MARF1: variants seen among roughly 807,000 people sequenced by gnomAD.
MARF1 encodes meiosis regulator and mRNA stability factor 1, also known as limkain-b1.
In MARF1, 24 loss-of-function variants were observed where a neutral mutation model predicts 168.2. The observed-to-expected ratio is 0.14, with a 90% CI of 0.10 to 0.20. The LOEUF is 0.20. Ranked by LOEUF, MARF1 falls within the 10% of genes least tolerant of loss-of-function variation. MARF1 has a pLI of 1.00. For synonymous variants in MARF1, 868 were observed against 822.4 expected (o/e 1.06, Z -0.95); for missense variants, 1,744 against 2,143.6 (o/e 0.81, Z 3.68).
Position 15,636,098 on chromosome 16 carries a change from ATCAAGCTACTGGTACC to A in MARF1, c.373_388del (p.Gly125PhefsTer7). The A allele has an allele frequency of 6.2e-7, 1 of 1,614,242 alleles. No homozygotes were observed. Among genetic ancestry groups the A allele is most frequent in the Non-Finnish European group, 8.5e-7 (1 of 1,180,046 alleles). On this transcript the variant is annotated frameshift_variant, in exon 3 of 27. Coordinates refer to ENST00000396368, the MANE Select transcript of MARF1 (RefSeq NM_014647.4). LOFTEE classifies it high-confidence loss of function. Reference sequence around the variant, plus strand: ...CGAGTCTAACAGTGCGCCCGGGTGAATCAAGCTACTGGTACCTCCGCTACCGCCACCACCACCACCA... The same window carrying A: ...CGAGTCTAACAGTGCGCCCGGGTGAATCCGCTACCGCCACCACCACCACCA...
intron 23 of MARF1, 56 bp downstream of exon 23, chr16:15,601,935 A>C: frequency 7.2e-7 from 1 of 1,396,308 alleles, no homozygotes; most frequent in Non-Finnish European, 1.0e-6. Context: ...TGTTCAGGAC[A>C]GTTAGCCTGT....
rs753416153 is a variant in MARF1, at chr16:15,600,531, G to C, written c.4710C>G (p.Leu1570=). 1.2e-6 allele frequency: 2 copies of C among 1,614,212 alleles called. No homozygotes were observed. The highest frequency in any genetic ancestry group is 2.2e-5 in the East Asian group (1 of 44,888). ...DMKSRLSSLS[L]SPANHENQPS... Reference sequence around the variant, plus strand: ...GCTGGTTTTCATGATTGGCAGGGGAGAGACTGAGTGAACTCAAACGACCTA... The same window carrying C: ...GCTGGTTTTCATGATTGGCAGGGGACAGACTGAGTGAACTCAAACGACCTA... The change falls in exon 25 of 27, where the codon CTC becomes CTG. Residue 1570 remains leucine, a synonymous_variant. Transcript: ENST00000396368.
intron 1 of MARF1, 141 bp from the exon 2 acceptor site, chr16:15,639,432 G>T: frequency 1.6e-6 from 1 of 621,546 alleles, no homozygotes; most frequent in Non-Finnish European, 2.7e-6. Context: ...AGGAAGTCTC[G>T]CTCTGTCGCC....
At chr16:15,611,143 G>A (rs1009817043) in intron 18 of MARF1, 35 bp from the exon 19 acceptor site, 7 of 1,605,730 alleles carry the variant, frequency 4.4e-6, no homozygotes, top group African/African-American at 1.3e-5. Context: ...TACGGAATGA[G>A]TAGTATCATC....
At chr16:15,601,953 C>T in intron 23 of MARF1, 38 bp downstream of exon 23, 1 of 1,550,052 alleles carries the variant, frequency 6.5e-7, no homozygotes, top group Non-Finnish European at 8.9e-7. Context: ...TGTGGCTGTT[C>T]AGAAGATGCT....
At chr16:15,635,384 T>C in intron 3 of MARF1, 1 of 485,216 alleles carries the variant, frequency 2.1e-6, no homozygotes, top group Non-Finnish European at 3.6e-6. Flanking sequence ...CCTTTAAACA[T>C]AGAACACGAA....
intron 1 of MARF1, among the ~76,000 whole-genome samples, chr16:15,639,867 G>GTT (rs2035836202): frequency 6.6e-6 from 1 of 152,104 alleles, no homozygotes; most frequent in African/African-American, 2.4e-5. Flanking sequence ...TCTATAATCT[G>GTT]CCATTCTTCA....
chr16:15,605,297 C>A (rs2032909099), intron 21 of MARF1, among the ~76,000 whole-genome samples: 1 of 152,174 alleles, frequency 6.6e-6, no homozygotes, highest in Non-Finnish European at 1.5e-5. Context: ...AGGGCTAAGT[C>A]ACCACAAGTT....
chr16:15,613,325 A>G lies in MARF1; in HGVS notation c.3254-548T>C, dbSNP rs542837939. On this transcript the variant is annotated intron_variant, in intron 16 of 26. Transcript: ENST00000396368. ...GACTGCTTATACCTATTAAAAAGGT[A>G]TAAGTAATCAAACGGAAATCTTTAT... 1.4e-3 allele frequency among the ~76,000 whole-genome samples: 216 copies of G among 152,260 alleles called. 1 individual carries two copies. The highest frequency in any genetic ancestry group is 2.5e-3 in the South Asian group (12 of 4,822).
chr16:15,599,500 G>A (rs1331025280), intron 25 of MARF1, among the ~76,000 whole-genome samples: 1 of 152,198 alleles, frequency 6.6e-6, no homozygotes, highest in Non-Finnish European at 1.5e-5. Context: ...TGAAGGCTGT[G>A]GGGCAGCTTC....
intron 15 of MARF1, 90 bp downstream of exon 15, chr16:15,616,962 A>C: frequency 6.8e-7 from 1 of 1,471,736 alleles, no homozygotes; most frequent in Non-Finnish European, 9.2e-7. Context: ...TAGAGTACTT[A>C]TTTGTAAAGA....
At chr16:15,613,684 T>TAAATAAATAAATAAATAAAATA (rs1555524005) in intron 16 of MARF1, among the ~76,000 whole-genome samples, 15 of 146,300 alleles carry the variant, frequency 1.0e-4, no homozygotes, top group African/African-American at 2.0e-4. Flanking sequence ...AATAAATAAA[T>TAAATAAATAAATAAATAAAATA]AAATAAAATA....
intron 8 of MARF1, 92 bp from the exon 9 acceptor site, chr16:15,625,265 A>C (rs2034766369): frequency 6.4e-7 from 1 of 1,555,384 alleles, no homozygotes; most frequent in African/African-American, 1.4e-5. Flanking sequence ...GAGTATCATC[A>C]AACACTGAAA....
chr16:15,612,825 G>T, intron 16 of MARF1, 48 bp from the exon 17 acceptor site: 1 of 1,533,874 alleles, frequency 6.5e-7, no homozygotes, highest in Non-Finnish European at 9.0e-7. Context: ...GATTTCACCA[G>T]CTGAAAGAAG....
chr16:15,623,985 C>T (rs1483767490), intron 10 of MARF1, among the ~76,000 whole-genome samples: 1 of 148,956 alleles, frequency 6.7e-6, no homozygotes, highest in Non-Finnish European at 1.5e-5. Context: ...GATCTGAGCT[C>T]ACTGCAACCT....
intron 10 of MARF1, 95 bp from the exon 11 acceptor site, chr16:15,623,218 C>G: frequency 1.2e-6 from 1 of 853,314 alleles, no homozygotes; most frequent in Non-Finnish European, 1.6e-6. Flanking sequence ...TATACAGAAG[C>G]AGATTTTCCA....
intron 2 of MARF1, among the ~76,000 whole-genome samples, chr16:15,637,534 A>T (rs973669095): frequency 1.3e-5 from 2 of 152,262 alleles, no homozygotes; most frequent in African/African-American, 4.8e-5. Context: ...GTTCAGACTG[A>T]AATTAACACA....
chr16:15,641,596 G>A (rs1156567840), intron 1 of MARF1, among the ~76,000 whole-genome samples: 3 of 152,080 alleles, frequency 2.0e-5, no homozygotes, highest in African/African-American at 7.2e-5. Flanking sequence ...CCTGTGCTTG[G>A]CACAAGGAAT....
intron 1 of MARF1, among the ~76,000 whole-genome samples, 181 bp downstream of exon 1, chr16:15,642,837 A>T (rs1385070252): frequency 6.6e-6 from 1 of 152,154 alleles, no homozygotes; most frequent in Admixed American, 6.5e-5. Flanking sequence ...CCCGAAAGGG[A>T]GACAAGCCAA....
Sources: gnomAD v4.1 joint callset for allele counts (sites outside exome capture counted in the v4.1 genomes callset) on GRCh38, gnomAD v4.1.1 for gene constraint, MANE v1.5 for transcripts, NCBI Gene and HGNC (gene_info 2026-07-23, HGNC 2026-07-21) for gene names.